The following OTOGL variants were observed in gnomAD, a reference collection of about 807,000 sequenced individuals.
OTOGL encodes the protein otogelin-like protein.
OTOGL carries 285 observed loss-of-function variants against 318.5 expected under a neutral mutation model. That is an observed-to-expected ratio of 0.89 (90% confidence interval 0.81 to 0.99). The LOEUF is 0.99. Among genes scored for constraint, OTOGL ranks in the 50% least tolerant of loss-of-function variants. The pLI is 0.00. For synonymous variants in OTOGL, 987 were observed against 936.5 expected, an observed-to-expected ratio of 1.05 and a Z score of -0.99; for missense variants, 2,899 against 2,845.6, an observed-to-expected ratio of 1.02 and a Z score of -0.43.
In OTOGL at chr12:80,377,886, T is replaced by G. The variant is rs1399493875; in HGVS notation, c.6900T>G (p.Ala2300=). The G allele has an allele frequency of 1.2e-6, 2 of 1,611,700 alleles. No homozygotes were observed. The highest frequency in any genetic ancestry group is 1.7e-6 in the Non-Finnish European group (2 of 1,178,596). Residue 2300 remains alanine, a synonymous_variant, in exon 59 of 59, where the codon GCT becomes GCG. Transcript: ENST00000547103. ...CTTGTGACGGCAAATGCCCATCAGCTACCATATATAACATCAATATTGAAA... is the reference window on the plus strand; with the variant it reads ...CTTGTGACGGCAAATGCCCATCAGCGACCATATATAACATCAATATTGAAA... ...VASCDGKCPS[A]TIYNINIESH... is the part of the protein sequence containing the mutation.
rs536006622 is a variant in OTOGL, at chr12:80,346,937, T to C, written c.5265+4775T>C. 2.0e-5 allele frequency among the ~76,000 whole-genome samples: 3 copies of C among 152,338 alleles called. No individual in the cohort carries two copies. The South Asian group carries it at 6.2e-4, about 32-fold the overall frequency. Reference sequence around the variant, plus strand: ...AAAGAAATTCTTGATGGCTTGTTGATACTCAATCTGTTCCATCCAAGCTAT... The same window carrying C: ...AAAGAAATTCTTGATGGCTTGTTGACACTCAATCTGTTCCATCCAAGCTAT... On this transcript the variant is annotated intron_variant, in intron 44 of 58. Coordinates refer to ENST00000547103, the MANE Select transcript of OTOGL (RefSeq NM_001378609.3).
At chr12:80,147,326 C>G (rs1275197449) in intron 1 of OTOGL, among the ~76,000 whole-genome samples, 1 of 146,072 alleles carries the variant, frequency 6.8e-6, no homozygotes, top group East Asian at 2.0e-4. Context: ...AGTAGTCATT[C>G]AGGAGCAGGT....
chr12:80,307,310 A>G (rs1003367013), intron 29 of OTOGL, among the ~76,000 whole-genome samples: 3 of 151,788 alleles, frequency 2.0e-5, no homozygotes, highest in South Asian at 2.1e-4. Context: ...CCCGTTCTCA[A>G]TGAGCTGTTG....
intron 44 of OTOGL, 119 bp downstream of exon 44, chr12:80,342,281 G>T: frequency 1.4e-6 from 1 of 710,114 alleles, no homozygotes; most frequent in Non-Finnish European, 2.3e-6. Context: ...CCAACCTTCT[G>T]TCAGTATGCT....
chr12:80,190,106 T>C (rs1875567053), intron 1 of OTOGL, among the ~76,000 whole-genome samples: 1 of 152,198 alleles, frequency 6.6e-6, no homozygotes, highest in Non-Finnish European at 1.5e-5. Context: ...GTTTTTATGA[T>C]TTATTTTGGC....
chr12:80,313,030 T>C lies in OTOGL; in HGVS notation c.3451-446T>C, dbSNP rs1302190698. Among the ~76,000 whole-genome samples, 4 of 152,166 alleles carry C rather than the reference T, an allele frequency of 2.6e-5. No individual in the cohort carries two copies. In the East Asian group the frequency reaches 5.8e-4, roughly 22 times the overall value. On this transcript the variant is annotated intron_variant, in intron 30 of 58. Coordinates refer to ENST00000547103, the MANE Select transcript of OTOGL (RefSeq NM_001378609.3). ...AAATAAATAAATTAAGTAAATAGAA[T>C]AAGTTGTTTTTAAAGATTGCTATTA...
intron 1 of OTOGL, chr12:80,189,548 C>G (rs906597314): frequency 9.7e-6 from 8 of 828,508 alleles, no homozygotes; most frequent in Middle Eastern, 1.2e-3. Flanking sequence ...TTCTAGGAAG[C>G]TTCTGAAATG....
intron 11 of OTOGL, among the ~76,000 whole-genome samples, chr12:80,242,995 A>G (rs1316621142): frequency 1.3e-5 from 2 of 152,048 alleles, no homozygotes; most frequent in African/African-American, 4.8e-5. Context: ...TAATTTTGCG[A>G]TGCCAAAGCC....
chr12:80,263,007 A>G (rs1326469378), intron 19 of OTOGL, among the ~76,000 whole-genome samples: 1 of 152,090 alleles, frequency 6.6e-6, no homozygotes, highest in Non-Finnish European at 1.5e-5. Context: ...TGATTGCCAT[A>G]TTGTTTTTAT....
At chr12:80,157,271 G>A (rs577241533) in intron 1 of OTOGL, among the ~76,000 whole-genome samples, 4 of 151,964 alleles carry the variant, frequency 2.6e-5, no homozygotes, top group African/African-American at 7.2e-5. Context: ...TCTTTTGCCC[G>A]TTTTTAATGA....
intron 44 of OTOGL, among the ~76,000 whole-genome samples, chr12:80,344,129 G>A (rs112821202): frequency 7.2e-5 from 11 of 152,114 alleles, no homozygotes; most frequent in African/African-American, 2.7e-4. Flanking sequence ...ATAAAAATAA[G>A]TTTTAAATGT....
chr12:80,277,981 G>A (rs1252285546), intron 24 of OTOGL, among the ~76,000 whole-genome samples, 187 bp from the exon 25 acceptor site: 3 of 151,356 alleles, frequency 2.0e-5, no homozygotes, highest in Middle Eastern at 3.2e-3. Flanking sequence ...TTAGTACTGC[G>A]ATATGTAAGG....
intron 1 of OTOGL, among the ~76,000 whole-genome samples, chr12:80,179,474 C>A (rs1161833789): frequency 6.6e-6 from 1 of 152,112 alleles, no homozygotes; most frequent in Non-Finnish European, 1.5e-5. Context: ...AAATTAAACG[C>A]CTTGGTCACT....
rs963558216 is a variant in OTOGL, at chr12:80,329,127, T to A, written c.4348+8T>A. 6.6e-7 allele frequency: 1 copy of A among 1,507,306 alleles called. No individual in the cohort carries two copies. The highest frequency in any genetic ancestry group is 1.4e-5 in the African/African-American group (1 of 70,320). 93.4% of individuals were successfully genotyped at this position (1,507,306 alleles called of 1,614,324 possible). The stretch of plus-strand genomic sequence containing the variant: ...CTGTGCCCATGTTTACAGGTATTGT[T>A]ATAATTTTAGACAACAAAAGTAGCA... On this transcript the variant is annotated splice_region_variant and intron_variant, in intron 37 of 58. Transcript: ENST00000547103.
At chr12:80,191,409 G>A (rs1434328380) in intron 1 of OTOGL, among the ~76,000 whole-genome samples, 2 of 152,218 alleles carry the variant, frequency 1.3e-5, no homozygotes. Context: ...CTGCACTCCA[G>A]CCTGGGTGAC....
At position 80,221,884 on chromosome 12, in the gene OTOGL, A is replaced by C. The variant is rs576458948; in HGVS notation, c.335-207A>C. Among the ~76,000 whole-genome samples the C allele has an allele frequency of 4.6e-5, 7 of 152,332 alleles. No individual in the cohort carries two copies. The South Asian group carries it at 1.4e-3, about 32-fold the overall frequency. ...ACTTTCTAACATAAATCTTTTCTTC[A>C]TAACTACTTGGAGACCCTGTTTTTC... On this transcript the variant is annotated intron_variant, in intron 6 of 58. Coordinates refer to ENST00000547103, the MANE Select transcript of OTOGL (RefSeq NM_001378609.3).
rs190645165 is a variant in OTOGL at position 80,115,788 on chromosome 12, C to A, written c.-20+16183C>A. 2.8e-4 allele frequency among the ~76,000 whole-genome samples: 43 copies of A among 152,264 alleles called. No homozygotes were observed. In the East Asian group the frequency reaches 7.7e-3, roughly 27 times the overall value. ...CTAGAGAGGCAATCTATCTACCGGG[C>A]CTTTGCTGAGCAGTGGTGGGCTCTG... On this transcript the variant is annotated intron_variant, in intron 1 of 58. Coordinates refer to ENST00000547103, the MANE Select transcript of OTOGL (RefSeq NM_001378609.3).
At chr12:80,365,944 T>C (rs1020749601) in intron 52 of OTOGL, among the ~76,000 whole-genome samples, 25 of 152,170 alleles carry the variant, frequency 1.6e-4, no homozygotes, top group African/African-American at 6.0e-4. Context: ...TCAGTCCTGA[T>C]AGGGCAAAGT....
chr12:80,170,691 C>T (rs914549040), intron 1 of OTOGL, among the ~76,000 whole-genome samples: 2 of 152,124 alleles, frequency 1.3e-5, no homozygotes, highest in African/African-American at 2.4e-5. Flanking sequence ...GCCTCGGCCT[C>T]CCAAAGCGCA....
Sources: allele counts gnomAD v4.1 joint callset (sites outside exome capture counted in the v4.1 genomes callset), GRCh38; gene constraint gnomAD v4.1.1; transcripts MANE v1.5; gene names NCBI Gene and HGNC (gene_info 2026-07-23, HGNC 2026-07-21).